The following SMC3 variants were observed in gnomAD, a reference collection of about 807,000 sequenced individuals.
SMC3 encodes the protein structural maintenance of chromosomes 3, also known as structural maintenance of chromosomes protein 3.
In SMC3, 20 loss-of-function variants were observed where a neutral mutation model predicts 171.8. The ratio of observed to expected loss-of-function variants is 0.12; its 90% CI spans 0.08 to 0.17. The LOEUF (loss-of-function observed/expected upper bound fraction) is 0.17. Among genes scored for constraint, SMC3 ranks in the 10% least tolerant of loss-of-function variants. The pLI is 1.00. For synonymous variants in SMC3, 464 were observed against 451.1 expected (o/e 1.03, Z -0.36); for missense variants, 543 against 1,420.4 (o/e 0.38, Z 9.93).
At chr10:110,578,084 T>A (rs1860979821) in intron 6 of SMC3, among the ~76,000 whole-genome samples, 170 bp downstream of exon 6, 1 of 152,108 alleles carries the variant, frequency 6.6e-6, no homozygotes, top group Non-Finnish European at 1.5e-5. Context: ...AGCATTTTTC[T>A]TTTTCTCAAT....
chr10:110,572,431 C>T lies in SMC3; in HGVS notation c.92-1276C>T, dbSNP rs183049671. Among the ~76,000 whole-genome samples the T allele has an allele frequency of 6.7e-4, 102 of 152,268 alleles. 1 individual carries two copies. Among genetic ancestry groups the T allele is most frequent in the African/African-American group, 2.4e-3 (99 of 41,548 alleles). ...TGCATAGTTGTCATGCTTCTTTAGT[C>T]TCCTTTAATCTGGATCATTTCCACA... is the stretch of plus-strand genomic sequence containing the variant. On this transcript the variant is annotated intron_variant, in intron 2 of 28. Coordinates refer to ENST00000361804, the MANE Select transcript of SMC3 (RefSeq NM_005445.4).
At chr10:110,582,470 GTTTAT>G in intron 9 of SMC3, 87 bp from the exon 10 acceptor site, 9 of 921,252 alleles carry the variant, frequency 9.8e-6, no homozygotes, top group Admixed American at 5.2e-5. Flanking sequence ...GTTACTTTTG[GTTTAT>G]TTTAATAGAA....
chr10:110,578,014 A>G, intron 6 of SMC3, 100 bp downstream of exon 6: 5 of 786,936 alleles, frequency 6.4e-6, no homozygotes, highest in Non-Finnish European at 1.1e-5. Flanking sequence ...TTGGCCTCAA[A>G]TGATCCACCT....
chr10:110,581,216 CTTTTTT>C (rs59798192), intron 8 of SMC3, among the ~76,000 whole-genome samples, 195 bp downstream of exon 8: 2 of 103,182 alleles, frequency 1.9e-5, no homozygotes, highest in African/African-American at 3.7e-5. Context: ...CGCACACTGA[CTTTTTT>C]TTTTTTTTTT....
intron 19 of SMC3, among the ~76,000 whole-genome samples, chr10:110,597,532 C>T (rs1861319070): frequency 6.6e-6 from 1 of 152,164 alleles, no homozygotes; most frequent in Admixed American, 6.5e-5. Context: ...ACTTCTGTGC[C>T]ATCAGTGCAA....
intron 2 of SMC3, among the ~76,000 whole-genome samples, chr10:110,571,397 C>G (rs1367431364): frequency 6.6e-6 from 1 of 152,186 alleles, no homozygotes; most frequent in East Asian, 1.9e-4. Flanking sequence ...GTGGACCCAC[C>G]ATACCTTAGA....
chr10:110,599,788 T>C lies in SMC3; in HGVS notation c.2403T>C (p.Asn801=). The change falls in exon 21 of 29, where the codon AAT becomes AAC. Residue 801 remains asparagine, a synonymous_variant. Transcript: ENST00000361804. ...ATCAGAAGAGAGTAGATGCACTGAATGATGAGATTCGTCAACTTCAGCAGG... is the reference window on the plus strand; with the variant it reads ...ATCAGAAGAGAGTAGATGCACTGAACGATGAGATTCGTCAACTTCAGCAGG... ...LEDQKRVDAL[N]DEIRQLQQEN... is the part of the protein sequence containing the mutation. 1 of 1,614,110 alleles carries C rather than the reference T, an allele frequency of 6.2e-7. No homozygotes were observed. Among genetic ancestry groups the C allele is most frequent in the Non-Finnish European group, 8.5e-7 (1 of 1,179,996 alleles).
chr10:110,573,987 T>C (rs1197359476), intron 3 of SMC3, among the ~76,000 whole-genome samples: 1 of 152,184 alleles, frequency 6.6e-6, no homozygotes, highest in Non-Finnish European at 1.5e-5. Flanking sequence ...CTTTTCACTT[T>C]AAAAATGGAG....
At chr10:110,596,627 G>T in intron 19 of SMC3, 77 bp downstream of exon 19, 3 of 1,365,464 alleles carry the variant, frequency 2.2e-6, no homozygotes, top group East Asian at 2.4e-5. Flanking sequence ...ATAATCTTTT[G>T]TTTTTTCACA....
In SMC3 at chr10:110,602,390, T is replaced by C. The variant is rs1861400939; in HGVS notation, c.3106-84T>C. 4 of 1,175,204 alleles carry C rather than the reference T, an allele frequency of 3.4e-6. No individual in the cohort carries two copies. The Admixed American group carries it at 5.9e-5, about 17-fold the overall frequency. 72.8% of individuals were successfully genotyped at this position (1,175,204 alleles called of 1,614,324 possible). A position where few individuals can be genotyped will look rare whatever the true frequency, so the allele number is the denominator to read the frequency against. On this transcript the variant is annotated intron_variant, in intron 25 of 28. Transcript: ENST00000361804. ...TATCCTTGTTCTTAAGATTAAAAAA[T>C]AATTGGTTGCTTTTAAATATTTTAC...
chr10:110,604,119 T>TTA, intron 28 of SMC3, 112 bp from the exon 29 acceptor site: 1 of 309,338 alleles, frequency 3.2e-6, no homozygotes, highest in Non-Finnish European at 6.0e-6. Context: ...AAAAAAAAAC[T>TTA]AAAAATTAAA....
At position 110,605,781 on chromosome 10, in the gene SMC3, G is replaced by T. The variant is rs371274581; in HGVS notation, c.*1479G>T. Among the ~76,000 whole-genome samples the T allele has an allele frequency of 4.6e-5, 7 of 152,062 alleles. No individual in the cohort carries two copies. Among genetic ancestry groups the T allele is most frequent in the South Asian group, 2.1e-4 (1 of 4,830 alleles). On this transcript the variant is annotated 3_prime_UTR_variant, in exon 29 of 29. Transcript: ENST00000361804. ...CCATTTTTCTTACACATTTACCCAAGAATTTTTCTCAAACAACTACCTAAG... is the reference window on the plus strand; with the variant it reads ...CCATTTTTCTTACACATTTACCCAATAATTTTTCTCAAACAACTACCTAAG...
In SMC3 at chr10:110,604,256, C is replaced by T. The variant is rs368353204; in HGVS notation, c.3608C>T (p.Ala1203Val). 6.2e-7 allele frequency: 1 copy of T among 1,610,840 alleles called. No individual in the cohort carries two copies. The highest frequency in any genetic ancestry group is 8.5e-7 in the Non-Finnish European group (1 of 1,179,080). ...NKVSHIDVIT[A>V]EMAKDFVEDD... The stretch of plus-strand genomic sequence containing the variant: ...GTTAGTCATATTGATGTGATCACAG[C>T]AGAGATGGCCAAAGACTTTGTAGAA... The change falls in exon 29 of 29, where the codon GCA becomes GTA. Residue 1203 changes from alanine to valine, a missense_variant. Physicochemically the swap from Ala to Val is moderately conservative, Grantham distance 64 (BLOSUM62 0). This residue lies in a region of SMC3 where 31 missense variants were observed against 150.9 expected (regional missense o/e 0.21). Transcript: ENST00000361804.
Position 110,589,951 on chromosome 10 carries a change from T to C in SMC3, c.1469T>C (p.Leu490Pro). The change falls in exon 15 of 29, where the codon CTT becomes CCT. Residue 490 changes from leucine (L) to proline (P), a missense_variant. Leu to Pro is a moderately conservative substitution (Grantham distance 98). This residue lies in a region of SMC3 where 218 missense variants were observed against 509.6 expected (regional missense o/e 0.43). Coordinates refer to ENST00000361804, the MANE Select transcript of SMC3 (RefSeq NM_005445.4). ...QQALAAKRED[L>P]EKKQQLLRAA... ...GCACTTGCTGCTAAAAGAGAAGATC[T>C]TGAAAAGAAGCAACAACTTCTTAGA... 6.2e-7 allele frequency: 1 copy of C among 1,614,000 alleles called. No individual in the cohort carries two copies. Among genetic ancestry groups the C allele is most frequent in the South Asian group, 1.1e-5 (1 of 91,080 alleles).
chr10:110,577,237 A>C (rs903134303), intron 4 of SMC3, among the ~76,000 whole-genome samples, 184 bp from the exon 5 acceptor site: 64 of 152,228 alleles, frequency 4.2e-4, no homozygotes, highest in African/African-American at 1.4e-3. Context: ...GATATCCCCA[A>C]AGTATGTATC....
At chr10:110,597,807 T>G (rs1308480284) in intron 19 of SMC3, among the ~76,000 whole-genome samples, 1 of 152,260 alleles carries the variant, frequency 6.6e-6, no homozygotes, top group African/African-American at 2.4e-5. Context: ...AGTAAACATT[T>G]GTTGAATGAA....
chr10:110,574,133 G>T (rs1860913064), intron 3 of SMC3, among the ~76,000 whole-genome samples: 1 of 152,310 alleles, frequency 6.6e-6, no homozygotes, highest in East Asian at 1.9e-4. Context: ...TGTAAATGCA[G>T]TAGAATAGTT....
At chr10:110,584,463 CT>C in intron 13 of SMC3, 67 bp downstream of exon 13, 1 of 1,128,656 alleles carries the variant, frequency 8.9e-7, no homozygotes, top group East Asian at 2.4e-5. Context: ...GTTTTATCTA[CT>C]TCAAGTTTTC....
At chr10:110,590,068 C>G (rs1861182355) in intron 15 of SMC3, 77 bp downstream of exon 15, 1 of 1,278,166 alleles carries the variant, frequency 7.8e-7, no homozygotes, top group African/African-American at 1.5e-5. Flanking sequence ...TTTTACCTTT[C>G]AAGGTGTAGG....
Sources: allele counts gnomAD v4.1 joint callset (sites outside exome capture counted in the v4.1 genomes callset), GRCh38; gene constraint gnomAD v4.1.1; regional missense constraint gnomAD v4.1.1; transcripts MANE v1.5; gene names NCBI Gene and HGNC (gene_info 2026-07-23, HGNC 2026-07-21).